The following CSMD1 variants were observed in gnomAD, a reference collection of about 807,000 sequenced individuals.
CSMD1 encodes the protein CUB and Sushi multiple domains 1.
Under a neutral mutation model 417.5 loss-of-function variants are expected in CSMD1, and 213 were observed. That is an observed-to-expected ratio of 0.51 (90% CI 0.46 to 0.57). The LOEUF is 0.57. CSMD1 is among the 20% of genes least tolerant of loss of function. The pLI is 0.00. For missense variants in CSMD1, 6,923 were observed against 4,529.7 expected (o/e 1.53, Z -15.17); for synonymous variants, 2,862 against 1,736.8 (o/e 1.65, Z -16.11).
intron 1 of CSMD1, among the ~76,000 whole-genome samples, chr8:4,943,423 G>A (rs13259635): frequency 0.51 from 76,745 of 151,152 alleles, 20,873 homozygotes; most frequent in East Asian, 0.79. Context: ...GTGAACCCGG[G>A]AGGCGGAGCT....
At chr8:3,532,586 C>A (rs1189100114) in intron 10 of CSMD1, among the ~76,000 whole-genome samples, 1 of 152,122 alleles carries the variant, frequency 6.6e-6, no homozygotes, top group South Asian at 2.1e-4. Flanking sequence ...TGAGTGATTG[C>A]ATTCATGCCG....
chr8:4,988,227 GA>G (rs745526612), intron 1 of CSMD1, among the ~76,000 whole-genome samples: 21 of 152,216 alleles, frequency 1.4e-4, no homozygotes, highest in Admixed American at 2.6e-4. Context: ...CTTTACAAAG[GA>G]TGAGGCAAAC....
intron 1 of CSMD1, among the ~76,000 whole-genome samples, chr8:4,686,179 C>T (rs577158028): frequency 5.3e-5 from 8 of 152,332 alleles, no homozygotes; most frequent in African/African-American, 1.4e-4. Flanking sequence ...GTGCAAGGAA[C>T]GTACCCTTCT....
chr8:4,385,361 C>T lies in CSMD1; in HGVS notation c.415+34592G>A, dbSNP rs148789626. On this transcript the variant is annotated intron_variant, in intron 3 of 69. Coordinates refer to ENST00000635120, the MANE Select transcript of CSMD1 (RefSeq NM_033225.6). ...CGGGCCCTTCACTGCCACAAATAAC[C>T]GACGTGGCCCCAGCCTTAACATTTG... Among the ~76,000 whole-genome samples the T allele has an allele frequency of 4.8e-3, 735 of 152,340 alleles. 5 individuals are homozygous for T. Among genetic ancestry groups the T allele is most frequent in the African/African-American group, 0.016 (677 of 41,574 alleles).
At chr8:4,780,864 C>A (rs1797119410) in intron 1 of CSMD1, among the ~76,000 whole-genome samples, 1 of 152,206 alleles carries the variant, frequency 6.6e-6, no homozygotes, top group Admixed American at 6.5e-5. Context: ...ACAATAATCT[C>A]CAATCTCATC....
At chr8:3,649,703 C>T (rs150432555) in intron 7 of CSMD1, among the ~76,000 whole-genome samples, 5 of 152,192 alleles carry the variant, frequency 3.3e-5, no homozygotes, top group South Asian at 2.1e-4. Context: ...TGAGGATTAT[C>T]GGGATTATAA....
At chr8:4,338,525 G>C (rs964853288) in intron 3 of CSMD1, among the ~76,000 whole-genome samples, 2 of 151,970 alleles carry the variant, frequency 1.3e-5, no homozygotes, top group African/African-American at 4.8e-5. Context: ...AAGTTCTTCG[G>C]CTTTTTCTAG....
chr8:4,843,095 G>A (rs1800933265), intron 1 of CSMD1, among the ~76,000 whole-genome samples: 1 of 152,184 alleles, frequency 6.6e-6, no homozygotes, highest in Non-Finnish European at 1.5e-5. Flanking sequence ...AGACTCATTT[G>A]TTAGGATGTG....
Position 3,509,917 on chromosome 8 carries a change from C to T in CSMD1, c.1345-16191G>A, listed in dbSNP as rs1357099093. Among the ~76,000 whole-genome samples, 11 of 152,094 alleles carry T rather than the reference C, an allele frequency of 7.2e-5. No homozygotes were observed. In the East Asian group the frequency reaches 1.4e-3, roughly 19 times the overall value. Reference sequence around the variant, plus strand: ...TGCCCCAGTGAAGCGATGAGGGCAACGCTTAAGTTGCTGGCATTTCAGCCT... The same window carrying T: ...TGCCCCAGTGAAGCGATGAGGGCAATGCTTAAGTTGCTGGCATTTCAGCCT... On this transcript the variant is annotated intron_variant, in intron 10 of 69. Coordinates refer to ENST00000635120, the MANE Select transcript of CSMD1 (RefSeq NM_033225.6).
intron 2 of CSMD1, among the ~76,000 whole-genome samples, chr8:4,515,551 G>T (rs997098191): frequency 6.6e-6 from 1 of 152,174 alleles, no homozygotes; most frequent in Non-Finnish European, 1.5e-5. Flanking sequence ...ATTGAGTAAG[G>T]ATAAACCCAG....
intron 7 of CSMD1, among the ~76,000 whole-genome samples, chr8:3,648,226 AT>A (rs1797673353): frequency 6.6e-6 from 1 of 152,208 alleles, no homozygotes; most frequent in Non-Finnish European, 1.5e-5. Flanking sequence ...TAGAGACATG[AT>A]TTTACTTTTA....
At chr8:3,828,139 T>C (rs1411063661) in intron 5 of CSMD1, among the ~76,000 whole-genome samples, 1 of 152,174 alleles carries the variant, frequency 6.6e-6, no homozygotes, top group East Asian at 1.9e-4. Flanking sequence ...GGGAACATCC[T>C]AATTGAAAGT....
intron 3 of CSMD1, among the ~76,000 whole-genome samples, chr8:4,150,432 G>T (rs953094750): frequency 6.6e-6 from 1 of 152,182 alleles, no homozygotes; most frequent in African/African-American, 2.4e-5. Flanking sequence ...GCAGGCTTTT[G>T]ACAACTTCAG....
rs11775111 is a variant in CSMD1 at position 3,428,953 on chromosome 8, T to C, written c.1562-19348A>G. On this transcript the variant is annotated intron_variant, in intron 12 of 69. Coordinates refer to ENST00000635120, the MANE Select transcript of CSMD1 (RefSeq NM_033225.6). The stretch of plus-strand genomic sequence containing the variant: ...AGCCAGTGACAGAAAGACAAGCACA[T>C]CATCATCTCACTTTTACGGAGAACC... 8.0e-4 allele frequency among the ~76,000 whole-genome samples: 122 copies of C among 152,202 alleles called. 3 individuals carry two copies. The South Asian group carries it at 0.011, about 13-fold the overall frequency.
intron 12 of CSMD1, among the ~76,000 whole-genome samples, chr8:3,411,694 ACAC>A (rs1812716432): frequency 1.6e-5 from 2 of 128,894 alleles, no homozygotes; most frequent in Non-Finnish European, 3.4e-5. Context: ...GTATATATAC[ACAC>A]GTATATATAC....
intron 1 of CSMD1, among the ~76,000 whole-genome samples, chr8:4,747,714 C>G (rs1210246192): frequency 6.6e-6 from 1 of 152,146 alleles, no homozygotes; most frequent in East Asian, 1.9e-4. Flanking sequence ...ATCCTGGTCT[C>G]TAGATGAATG....
chr8:4,371,773 A>C (rs1802410368), intron 3 of CSMD1, among the ~76,000 whole-genome samples: 1 of 152,212 alleles, frequency 6.6e-6, no homozygotes, highest in African/African-American at 2.4e-5. Flanking sequence ...CATAATAGAC[A>C]AATATTGTTT....
At chr8:4,354,009 C>T (rs967853827) in intron 3 of CSMD1, among the ~76,000 whole-genome samples, 8 of 152,212 alleles carry the variant, frequency 5.3e-5, no homozygotes, top group Non-Finnish European at 1.0e-4. Context: ...GGTTGTTCAG[C>T]ACATTCTTCA....
intron 12 of CSMD1, among the ~76,000 whole-genome samples, chr8:3,455,639 C>T (rs987743786): frequency 2.0e-5 from 3 of 152,226 alleles, no homozygotes; most frequent in African/African-American, 4.8e-5. Context: ...TATTGCTGAA[C>T]AGCAAATGCT....
Sources: allele counts gnomAD v4.1 joint callset (sites outside exome capture counted in the v4.1 genomes callset), GRCh38; gene constraint gnomAD v4.1.1; transcripts MANE v1.5; gene names NCBI Gene and HGNC (gene_info 2026-07-23, HGNC 2026-07-21).